HCN1: variants seen among roughly 807,000 people sequenced by gnomAD.
HCN1 encodes the protein potassium/sodium hyperpolarization-activated cyclic nucleotide-gated channel 1.
A neutral mutation model predicts 78.9 loss-of-function variants in HCN1; 13 were observed. The observed-to-expected ratio is 0.16, with a 90% CI of 0.11 to 0.26. The LOEUF is 0.26. Ranked by LOEUF, HCN1 falls within the 10% of genes least tolerant of loss-of-function variation. The probability of loss-of-function intolerance (pLI) is 1.00; values close to 1 mark genes in which losing one functional copy is unlikely to be tolerated. For missense variants in HCN1, 810 were observed against 1,154.3 expected (o/e 0.70, Z 4.32); for synonymous variants, 552 against 455.5 (o/e 1.21, Z -2.70).
Position 45,396,587 on chromosome 5 carries a change from T to A in HCN1, c.1135A>T (p.Met379Leu). 1 of 1,613,932 alleles carries A rather than the reference T, an allele frequency of 6.2e-7. No homozygotes were observed. Among genetic ancestry groups the A allele is most frequent in the Non-Finnish European group, 8.5e-7 (1 of 1,179,912 alleles). ...MSDLWITMLS[M>L]IVGATCYAMF... is the part of the protein sequence containing the mutation. ...GCATAGCAGGTGGCCCCGACGATCA[T>A]GCTCAGCATGGTAATCCAGAGGTCA... The change falls in exon 4 of 8, where the codon ATG becomes TTG. Residue 379 changes from methionine to leucine, a missense_variant. Met to Leu is a conservative substitution (Grantham distance 15). Around this residue, in one of 6 missense-constraint regions of HCN1, gnomAD observed 104 missense variants for 402.8 expected, o/e 0.26. Coordinates refer to ENST00000303230, the MANE Select transcript of HCN1 (RefSeq NM_021072.4).
intron 2 of HCN1, among the ~76,000 whole-genome samples, chr5:45,519,180 A>C (rs943748568): frequency 2.0e-5 from 3 of 152,052 alleles, no homozygotes; most frequent in Admixed American, 2.0e-4. Context: ...ACAACAACAA[A>C]AAGTCTGGCT....
intron 6 of HCN1, among the ~76,000 whole-genome samples, chr5:45,275,197 G>C (rs926686819): frequency 6.6e-6 from 1 of 150,964 alleles, no homozygotes; most frequent in Non-Finnish European, 1.5e-5. Context: ...AGTGAGCTGA[G>C]ATCGTGCCAC....
At chr5:45,400,914 A>C (rs1378190082) in intron 3 of HCN1, among the ~76,000 whole-genome samples, 1 of 152,104 alleles carries the variant, frequency 6.6e-6, no homozygotes, top group Non-Finnish European at 1.5e-5. Context: ...GAATCCTATT[A>C]TATATGCTCT....
At position 45,495,710 on chromosome 5, in the gene HCN1, C is replaced by T. The variant is rs1454665358; in HGVS notation, c.850-33703G>A. On this transcript the variant is annotated intron_variant, in intron 2 of 7. Transcript: ENST00000303230. ...CAAAGGGAATGCTTCCAGTTTTTGC[C>T]CATTCACTATGATATTGGCTGTGGG... Among the ~76,000 whole-genome samples the T allele has an allele frequency of 8.5e-5, 13 of 152,154 alleles. No homozygotes were observed. The East Asian group carries it at 2.5e-3, about 29-fold the overall frequency.
chr5:45,285,433 G>A (rs1745248146), intron 6 of HCN1, among the ~76,000 whole-genome samples: 1 of 151,904 alleles, frequency 6.6e-6, no homozygotes, highest in Admixed American at 6.6e-5. Flanking sequence ...CTTGGAAGCT[G>A]GTGGGAACTA....
chr5:45,336,508 A>C (rs559021941), intron 5 of HCN1, among the ~76,000 whole-genome samples: 1 of 152,122 alleles, frequency 6.6e-6, no homozygotes, highest in African/African-American at 2.4e-5. Context: ...AACAACACAC[A>C]ACTGTTATCT....
At chr5:45,311,616 A>G (rs1745853047) in intron 5 of HCN1, among the ~76,000 whole-genome samples, 1 of 152,204 alleles carries the variant, frequency 6.6e-6, no homozygotes, top group Non-Finnish European at 1.5e-5. Context: ...ATTATGGCAT[A>G]AGTGTTATGA....
At chr5:45,405,689 T>C (rs1739904866) in intron 3 of HCN1, among the ~76,000 whole-genome samples, 2 of 152,190 alleles carry the variant, frequency 1.3e-5, no homozygotes, top group African/African-American at 2.4e-5. Context: ...ATTATAGGCA[T>C]AAGACACTTT....
chr5:45,366,831 C>T (rs1237480247), intron 4 of HCN1, among the ~76,000 whole-genome samples: 1 of 151,664 alleles, frequency 6.6e-6, no homozygotes, highest in South Asian at 2.1e-4. Flanking sequence ...AAATTAAAAA[C>T]CTGATTTTCT....
intron 4 of HCN1, among the ~76,000 whole-genome samples, chr5:45,384,666 C>G (rs1343640458): frequency 6.6e-6 from 1 of 152,080 alleles, no homozygotes; most frequent in Non-Finnish European, 1.5e-5. Context: ...AAATCTAGCT[C>G]TCAGTGAGGT....
chr5:45,604,012 C>G (rs1207820196), intron 2 of HCN1, among the ~76,000 whole-genome samples: 2 of 152,000 alleles, frequency 1.3e-5, no homozygotes, highest in Non-Finnish European at 2.9e-5. Context: ...AACACAAAAA[C>G]TTAGCCAATC....
At chr5:45,389,416 C>A (rs1164140854) in intron 4 of HCN1, among the ~76,000 whole-genome samples, 1 of 152,096 alleles carries the variant, frequency 6.6e-6, no homozygotes, top group Non-Finnish European at 1.5e-5. Flanking sequence ...CCACTCATAG[C>A]ATTAATTTCC....
At chr5:45,638,537 G>C (rs1222677647) in intron 2 of HCN1, among the ~76,000 whole-genome samples, 1 of 152,128 alleles carries the variant, frequency 6.6e-6, no homozygotes, top group Non-Finnish European at 1.5e-5. Flanking sequence ...GCTGACCAAA[G>C]AGCATTCATA....
intron 1 of HCN1, among the ~76,000 whole-genome samples, chr5:45,694,346 C>T (rs1739965925): frequency 6.6e-6 from 1 of 152,128 alleles, no homozygotes; most frequent in Non-Finnish European, 1.5e-5. Context: ...TTGCATAGAT[C>T]ACGGAGGCTA....
chr5:45,529,012 T>TAAAG (rs2111798400), intron 2 of HCN1, among the ~76,000 whole-genome samples: 1 of 152,094 alleles, frequency 6.6e-6, no homozygotes, highest in African/African-American at 2.4e-5. Flanking sequence ...TAAAACACAG[T>TAAAG]AAAGACTGGC....
At chr5:45,590,135 G>C (rs935357299) in intron 2 of HCN1, among the ~76,000 whole-genome samples, 3 of 152,094 alleles carry the variant, frequency 2.0e-5, no homozygotes, top group Non-Finnish European at 4.4e-5. Context: ...TGTAGTTTCA[G>C]TTATATTCTA....
chr5:45,397,550 A>T (rs1249123506), intron 3 of HCN1, among the ~76,000 whole-genome samples: 1 of 151,802 alleles, frequency 6.6e-6, no homozygotes, highest in Non-Finnish European at 1.5e-5. Context: ...ATTTTATTGA[A>T]CTCCCTAATT....
intron 2 of HCN1, among the ~76,000 whole-genome samples, chr5:45,551,830 T>C (rs1743376705): frequency 2.0e-5 from 3 of 151,940 alleles, no homozygotes. Context: ...TAACTACTGT[T>C]CAATTACGTA....
chr5:45,588,664 A>C (rs2111939524), intron 2 of HCN1, among the ~76,000 whole-genome samples: 1 of 152,242 alleles, frequency 6.6e-6, no homozygotes, highest in Admixed American at 6.5e-5. Flanking sequence ...TCATTCTTCA[A>C]GTTAGGAGTC....
Sources: allele counts gnomAD v4.1 joint callset (sites outside exome capture counted in the v4.1 genomes callset), GRCh38; gene constraint gnomAD v4.1.1; regional missense constraint gnomAD v4.1.1; transcripts MANE v1.5; gene names NCBI Gene and HGNC (gene_info 2026-07-23, HGNC 2026-07-21).